The following RGS12 variants were observed in gnomAD, a reference collection of about 807,000 sequenced individuals.
The protein encoded by RGS12 is regulator of G-protein signaling 12.
In RGS12, 66 loss-of-function variants were observed where a neutral mutation model predicts 120.1. That is an observed-to-expected ratio of 0.55 (90% CI 0.45 to 0.67). RGS12 has a LOEUF of 0.67. RGS12 is among the 30% of genes least tolerant of loss of function. The pLI is 0.00. For missense variants in RGS12, 1,859 were observed against 1,957.7 expected, an observed-to-expected ratio of 0.95 and a Z score of 0.95; for synonymous variants, 827 against 804.7, an observed-to-expected ratio of 1.03 and a Z score of -0.47.
intron 17 of RGS12, 179 bp downstream of exon 17, chr4:3,431,134 C>T: frequency 4.9e-6 from 7 of 1,431,220 alleles, no homozygotes; most frequent in Non-Finnish European, 6.4e-6. Context: ...CTCGTGTGGC[C>T]CCAGGCCAGT....
chr4:3,309,924 C>T (rs1578694759), intron 1 of RGS12, among the ~76,000 whole-genome samples: 12 of 127,404 alleles, frequency 9.4e-5, no homozygotes, highest in East Asian at 2.5e-4. Context: ...AGCTGGGACC[C>T]TGGAATGGCA....
intron 1 of RGS12, among the ~76,000 whole-genome samples, chr4:3,301,382 A>AAAAC (rs67053974): frequency 0.083 from 12,570 of 152,302 alleles, 684 homozygotes; most frequent in African/African-American, 0.16. Context: ...TAGTGAACAC[A>AAAAC]AAACAGTGGT....
At chr4:3,385,090 A>T (rs3129326) in intron 3 of RGS12, 15,968 of 152,428 alleles carry the variant, frequency 0.1, 1,212 homozygotes, top group South Asian at 0.24. Context: ...CCCCCTTGGG[A>T]GGTTCCTCTG....
intron 4 of RGS12, among the ~76,000 whole-genome samples, chr4:3,391,864 G>C (rs2108996394): frequency 6.6e-6 from 1 of 152,266 alleles, no homozygotes; most frequent in African/African-American, 2.4e-5. Flanking sequence ...CTCGGTCTGG[G>C]AGGATGTTCA....
chr4:3,422,761 G>A (rs1168816285), intron 11 of RGS12, 144 bp from the exon 12 acceptor site: 2 of 967,822 alleles, frequency 2.1e-6, no homozygotes, highest in Non-Finnish European at 3.2e-6. Flanking sequence ...CTGGGTTGGT[G>A]TGGAAAGGGT....
At chr4:3,404,986 A>C (rs7680470) in intron 4 of RGS12, among the ~76,000 whole-genome samples, 5,149 of 152,328 alleles carry the variant, frequency 0.034, 125 homozygotes, top group African/African-American at 0.07. Flanking sequence ...TGCCAGCCTG[A>C]AGGAGGGACT....
intron 3 of RGS12, among the ~76,000 whole-genome samples, chr4:3,373,559 G>A (rs181084746): frequency 1.4e-3 from 208 of 152,334 alleles, no homozygotes; most frequent in Middle Eastern, 0.01. Flanking sequence ...GTCACTGACC[G>A]CGTCTCTTAA....
Position 3,303,417 on chromosome 4 carries a change from G to GT in RGS12, c.-102+10319dup, listed in dbSNP as rs568363404. On this transcript the variant is annotated intron_variant, in intron 1 of 17. Coordinates refer to ENST00000336727, the MANE Select transcript of RGS12 (RefSeq NM_001394154.1). ...TGCTGGCTCCCCCAGTCTCACCTCTGTGGCCCTTGCTGGAGGACACTGGAA... is the reference window on the plus strand; with the variant it reads ...TGCTGGCTCCCCCAGTCTCACCTCTGTTGGCCCTTGCTGGAGGACACTGGAA... Among the ~76,000 whole-genome samples the GT allele has an allele frequency of 2.8e-4, 42 of 152,368 alleles. No homozygotes were observed. In the East Asian group the frequency reaches 5.6e-3, roughly 20 times the overall value.
intron 3 of RGS12, among the ~76,000 whole-genome samples, chr4:3,350,524 A>G (rs1415389162): frequency 6.6e-6 from 1 of 152,112 alleles, no homozygotes; most frequent in Non-Finnish European, 1.5e-5. Context: ...TCTACAAAAA[A>G]TAAAAAAATT....
At chr4:3,348,851 C>T (rs911500105) in intron 3 of RGS12, among the ~76,000 whole-genome samples, 15 of 152,116 alleles carry the variant, frequency 9.9e-5, no homozygotes, top group African/African-American at 2.7e-4. Context: ...GCAGGTCACA[C>T]GCAGCAAGGC....
chr4:3,370,546 G>A (rs1277278509), intron 3 of RGS12, among the ~76,000 whole-genome samples: 1 of 152,254 alleles, frequency 6.6e-6, no homozygotes, highest in East Asian at 1.9e-4. Context: ...ACACCCGGCC[G>A]CCGGCCTCAA....
rs6819202 is a variant in RGS12, at chr4:3,366,537, G to A, written c.1999-19879G>A. On this transcript the variant is annotated intron_variant, in intron 3 of 17. Transcript: ENST00000336727. This position sits in a 1 kb window ranked among gnomAD's most constrained non-coding sequence, Gnocchi z 4.0. ...GCTGAGAGTGAGGTGGTCCGGCCCC[G>A]TGAAGGAGGCAGCAGGGCTTGCGGC... Among the ~76,000 whole-genome samples, 104,793 of 152,128 alleles carry A rather than the reference G, an allele frequency of 0.69. 37,613 individuals carry two copies. The highest frequency in any genetic ancestry group is 0.89 in the African/African-American group (36,887 of 41,520).
intron 2 of RGS12, among the ~76,000 whole-genome samples, chr4:3,338,447 G>A (rs1433218554): frequency 2.6e-5 from 4 of 152,230 alleles, no homozygotes; most frequent in African/African-American, 7.2e-5. Flanking sequence ...CATTTCTAGC[G>A]GTTTTACTTT....
At chr4:3,425,122 G>A (rs1275973087) in intron 13 of RGS12, among the ~76,000 whole-genome samples, 3 of 152,174 alleles carry the variant, frequency 2.0e-5, no homozygotes, top group Non-Finnish European at 2.9e-5. Context: ...TGTTTACAAA[G>A]GGGAACATCT....
At chr4:3,356,115 G>A (rs909974374) in intron 3 of RGS12, among the ~76,000 whole-genome samples, 1 of 144,812 alleles carries the variant, frequency 6.9e-6, no homozygotes, top group African/African-American at 2.6e-5. Context: ...GTGCAGTGGT[G>A]TAATCTTGGC....
chr4:3,415,054 C>T (rs1361992952), intron 6 of RGS12, among the ~76,000 whole-genome samples: 1 of 104,120 alleles, frequency 9.6e-6, no homozygotes, highest in African/African-American at 3.5e-5. Flanking sequence ...AGAGGGCCAC[C>T]TGTGTGTGAG....
chr4:3,424,426 G>A (rs1723379814), intron 13 of RGS12, among the ~76,000 whole-genome samples: 1 of 152,214 alleles, frequency 6.6e-6, no homozygotes, highest in African/African-American at 2.4e-5. Context: ...TCTTCCCCGC[G>A]CTGCAGGCTC....
At chr4:3,437,074 G>A (rs918309314) in intron 17 of RGS12, among the ~76,000 whole-genome samples, 1 of 152,220 alleles carries the variant, frequency 6.6e-6, no homozygotes, top group East Asian at 1.9e-4. Context: ...GAAATGCTGG[G>A]CAAGAAGGTG....
In RGS12 at chr4:3,377,869, G is replaced by A. The variant is rs180873021; in HGVS notation, c.1999-8547G>A. Among the ~76,000 whole-genome samples, 4 of 152,304 alleles carry A rather than the reference G, an allele frequency of 2.6e-5. No homozygotes were observed. The East Asian group carries it at 7.7e-4, about 29-fold the overall frequency. On this transcript the variant is annotated intron_variant, in intron 3 of 17. Transcript: ENST00000336727. ...TCGTCAGTTTCTTTAAAACAGAAAT[G>A]TGTTTACTTGAGTGTAAATTCCAAT... is the stretch of plus-strand genomic sequence containing the variant.
Sources: allele counts gnomAD v4.1 joint callset (sites outside exome capture counted in the v4.1 genomes callset), GRCh38; gene constraint gnomAD v4.1.1; non-coding constraint Gnocchi (gnomAD v3.1); transcripts MANE v1.5; gene names NCBI Gene and HGNC (gene_info 2026-07-23, HGNC 2026-07-21).